EMC9: variants seen among roughly 807,000 people sequenced by gnomAD.
EMC9 encodes ER membrane protein complex subunit 9.
Under a neutral mutation model 25.0 loss-of-function variants are expected in EMC9, and 20 were observed. The ratio of observed to expected loss-of-function variants is 0.80; its 90% CI spans 0.56 to 1.16. The LOEUF is 1.16. Among genes scored for constraint, EMC9 ranks in the 50% most tolerant of loss-of-function variants. The pLI, the probability that EMC9 is intolerant of heterozygous loss-of-function variation, is 0.00. For synonymous variants in EMC9, 100 were observed against 107.0 expected, an observed-to-expected ratio of 0.93 and a Z score of 0.40; for missense variants, 256 against 268.7, an observed-to-expected ratio of 0.95 and a Z score of 0.33.
Position 24,139,803 on chromosome 14 carries a change from G to A in EMC9, c.276-189C>T, listed in dbSNP as rs1006556338. 9.8e-6 allele frequency: 15 copies of A among 1,524,996 alleles called. No individual in the cohort carries two copies. In the African/African-American group the frequency reaches 2.1e-4, roughly 21 times the overall value. 94.5% of individuals were successfully genotyped at this position (1,524,996 alleles called of 1,614,324 possible). ...GATGCTTGAGTGCTGTGGGAGACAG[G>A]TGCTCAGATATTGCTGGTGAGAGTG... On this transcript the variant is annotated intron_variant, in intron 3 of 5. Transcript: ENST00000216799. This position sits in a 1 kb window ranked among gnomAD's most constrained non-coding sequence, Gnocchi z 4.6.
chr14:24,139,808 C>A lies in EMC9; in HGVS notation c.276-194G>T. The A allele has an allele frequency of 6.6e-7, 1 of 1,511,694 alleles. No homozygotes were observed. Among genetic ancestry groups the A allele is most frequent in the Non-Finnish European group, 9.0e-7 (1 of 1,117,170 alleles). 93.6% of individuals were successfully genotyped at this position (1,511,694 alleles called of 1,614,324 possible). ...TTGAGTGCTGTGGGAGACAGGTGCT[C>A]AGATATTGCTGGTGAGAGTGGAAAC... On this transcript the variant is annotated intron_variant, in intron 3 of 5. Coordinates refer to ENST00000216799, the MANE Select transcript of EMC9 (RefSeq NM_016049.4). This position sits in a 1 kb window ranked among gnomAD's most constrained non-coding sequence, Gnocchi z 4.6.
intron 3 of EMC9, chr14:24,140,029 CTA>C (rs2038013905): frequency 5.6e-6 from 2 of 356,040 alleles, no homozygotes; most frequent in South Asian, 4.3e-5. Context: ...CATATTCAGA[CTA>C]TATAGCTGTT....
rs2038059981 is a variant in EMC9, at chr14:24,141,425, C to T, written c.-13+13G>A. ...TTCGGCACGCTCTTTGACCCTTCCCCGTGCCCTCTCACTTCGGTTCGGCGA... is the reference window on the plus strand; with the variant it reads ...TTCGGCACGCTCTTTGACCCTTCCCTGTGCCCTCTCACTTCGGTTCGGCGA... On this transcript the variant is annotated intron_variant, in intron 1 of 5. Coordinates refer to ENST00000216799, the MANE Select transcript of EMC9 (RefSeq NM_016049.4). The T allele has an allele frequency of 1.9e-6, 2 of 1,054,036 alleles. No individual in the cohort carries two copies. Among genetic ancestry groups the T allele is most frequent in the African/African-American group, 3.1e-5 (2 of 63,638 alleles). 65.3% of individuals were successfully genotyped at this position (1,054,036 alleles called of 1,614,324 possible). A position where few individuals can be genotyped will look rare whatever the true frequency, so the allele number is the denominator to read the frequency against.
In EMC9 at chr14:24,141,210, G is replaced by C. The variant is rs761848932; in HGVS notation, c.95C>G (p.Ala32Gly). The part of the protein sequence containing the change: ...PHAAVNGLFL[A>G]PAPRSGECLC... ...GCATTCTCCAGACCGCGGCGCTGGCGCCAAAAACAGCCCGTTGACTGCGGC... is the reference window on the plus strand; with the variant it reads ...GCATTCTCCAGACCGCGGCGCTGGCCCCAAAAACAGCCCGTTGACTGCGGC... The change falls in exon 2 of 6, where the codon GCG becomes GGG. Residue 32 changes from alanine (A) to glycine (G), a missense_variant. Coordinates refer to ENST00000216799, the MANE Select transcript of EMC9 (RefSeq NM_016049.4). The C allele has an allele frequency of 6.2e-7, 1 of 1,614,048 alleles. No homozygotes were observed. Among genetic ancestry groups the C allele is most frequent in the East Asian group, 2.2e-5 (1 of 44,902 alleles).
chr14:24,140,898 T>A lies in EMC9; in HGVS notation c.266A>T (p.Asn89Ile). 2 of 1,614,110 alleles carry A rather than the reference T, an allele frequency of 1.2e-6. No homozygotes were observed. The highest frequency in any genetic ancestry group is 1.7e-6 in the Non-Finnish European group (2 of 1,180,014). ...AGYYHANAAV[N>I]DQSPGPLALK... Reference sequence around the variant, plus strand: ...TGGCTACGCCACTCACCTCTGATCGTTCACAGCTGCATTGGCATGGTAGTA... The same window carrying A: ...TGGCTACGCCACTCACCTCTGATCGATCACAGCTGCATTGGCATGGTAGTA... Residue 89 changes from asparagine (N) to isoleucine (I), a missense_variant, in exon 3 of 6, where the codon AAC (asparagine) becomes ATC (isoleucine). Physicochemically the swap from Asn to Ile is moderately radical, Grantham distance 149. Coordinates refer to ENST00000216799, the MANE Select transcript of EMC9 (RefSeq NM_016049.4).
At chr14:24,141,405 C>A in intron 1 of EMC9, 33 bp downstream of exon 1, 1 of 1,273,530 alleles carries the variant, frequency 7.9e-7, no homozygotes, top group African/African-American at 1.5e-5. Flanking sequence ...AGCGCTTCGG[C>A]ACGCTCTTTG....
intron 3 of EMC9, 80 bp downstream of exon 3, chr14:24,140,809 C>T: frequency 1.4e-6 from 2 of 1,472,092 alleles, no homozygotes; most frequent in South Asian, 1.2e-5. Flanking sequence ...CGCCCACCGC[C>T]CCACGCATCC....
Position 24,139,359 on chromosome 14 carries a change from C to T in EMC9, c.440+1G>A. 6.2e-7 allele frequency: 1 copy of T among 1,614,018 alleles called. No individual in the cohort carries two copies. The highest frequency in any genetic ancestry group is 1.7e-4 in the Middle Eastern group (1 of 6,058). ...AGAGGTAGAGGGAGTGGGGTACTCACAAGTTCTTATCCTTAGGGACCCAGC... is the reference window on the plus strand; with the variant it reads ...AGAGGTAGAGGGAGTGGGGTACTCATAAGTTCTTATCCTTAGGGACCCAGC... On this transcript the variant is annotated splice_donor_variant, in intron 5 of 5. Coordinates refer to ENST00000216799, the MANE Select transcript of EMC9 (RefSeq NM_016049.4). LOFTEE classifies it high-confidence loss of function. The surrounding 1 kb of genome is among the most constrained non-coding windows in gnomAD (Gnocchi z 4.6).
At position 24,139,358 on chromosome 14, in the gene EMC9, A is replaced by G; in HGVS notation, c.440+2T>C. 6.2e-7 allele frequency: 1 copy of G among 1,614,020 alleles called. No homozygotes were observed. Among genetic ancestry groups the G allele is most frequent in the Non-Finnish European group, 8.5e-7 (1 of 1,179,950 alleles). Reference sequence around the variant, plus strand: ...AAGAGGTAGAGGGAGTGGGGTACTCACAAGTTCTTATCCTTAGGGACCCAG... The same window carrying G: ...AAGAGGTAGAGGGAGTGGGGTACTCGCAAGTTCTTATCCTTAGGGACCCAG... On this transcript the variant is annotated splice_donor_variant, in intron 5 of 5. Transcript: ENST00000216799. LOFTEE classifies it high-confidence loss of function. The surrounding 1 kb of genome is among the most constrained non-coding windows in gnomAD (Gnocchi z 4.6).
At chr14:24,140,834 T>A in intron 3 of EMC9, 55 bp downstream of exon 3, 5 of 1,270,104 alleles carry the variant, frequency 3.9e-6, no homozygotes, top group Non-Finnish European at 5.5e-6. Flanking sequence ...CCTCTATTCC[T>A]CCAATCCCCA....
rs371392589 is a variant in EMC9 at position 24,139,549 on chromosome 14, A to G, written c.341T>C (p.Ile114Thr). 1.7e-5 allele frequency: 27 copies of G among 1,613,756 alleles called. No individual in the cohort carries two copies. The highest frequency in any genetic ancestry group is 2.2e-5 in the East Asian group (1 of 44,896). ...IAEFFPDAVLIMLDNQKLVPQ... is the reference protein window; with the variant it reads ...IAEFFPDAVLTMLDNQKLVPQ... ...ACCCAGAAACCCAAGCCTCACCATA[A>G]TAAGTACTGCATCAGGGAAGAATTC... The change falls in exon 4 of 6, where the codon ATT becomes ACT. Residue 114 changes from isoleucine (I) to threonine (T), a missense_variant. Coordinates refer to ENST00000216799, the MANE Select transcript of EMC9 (RefSeq NM_016049.4). This position sits in a 1 kb window ranked among gnomAD's most constrained non-coding sequence, Gnocchi z 4.6.
Position 24,139,209 on chromosome 14 carries a change from C to G in EMC9, c.441-13G>C. 2 of 1,613,492 alleles carry G rather than the reference C, an allele frequency of 1.2e-6. No homozygotes were observed. Among genetic ancestry groups the G allele is most frequent in the Non-Finnish European group, 1.7e-6 (2 of 1,179,530 alleles). Reference sequence around the variant, plus strand: ...CCTCCACATCACTCTGAAATAGTAACCCCCATGGAGGTCAAACAGCAAGTA... The same window carrying G: ...CCTCCACATCACTCTGAAATAGTAAGCCCCATGGAGGTCAAACAGCAAGTA... On this transcript the variant is annotated splice_polypyrimidine_tract_variant and intron_variant, in intron 5 of 5. Coordinates refer to ENST00000216799, the MANE Select transcript of EMC9 (RefSeq NM_016049.4). This position sits in a 1 kb window ranked among gnomAD's most constrained non-coding sequence, Gnocchi z 4.6.
In EMC9 at chr14:24,139,285, G is replaced by A; in HGVS notation, c.440+75C>T. The A allele has an allele frequency of 6.3e-7, 1 of 1,599,492 alleles. No homozygotes were observed. Among genetic ancestry groups the A allele is most frequent in the Non-Finnish European group, 8.5e-7 (1 of 1,169,910 alleles). On this transcript the variant is annotated intron_variant, in intron 5 of 5. Transcript: ENST00000216799. This position sits in a 1 kb window ranked among gnomAD's most constrained non-coding sequence, Gnocchi z 4.6. ...AGATTGGGTCTAGAGAAAGACCCTTGGGGCAGGGCCAAGGACAGAGGAGAC... is the reference window on the plus strand; with the variant it reads ...AGATTGGGTCTAGAGAAAGACCCTTAGGGCAGGGCCAAGGACAGAGGAGAC...
chr14:24,141,346 A>G (rs1181591288), intron 1 of EMC9, 30 bp from the exon 2 acceptor site: 1 of 1,606,580 alleles, frequency 6.2e-7, no homozygotes, highest in Admixed American at 1.7e-5. Context: ...CCGGATTAGT[A>G]CCGGATTAGG....
chr14:24,140,807 GC>G (rs2038038018), intron 3 of EMC9, 81 bp downstream of exon 3: 1 of 489,032 alleles, frequency 2.0e-6, no homozygotes, highest in Non-Finnish European at 3.7e-6. Context: ...CCCGCCCACC[GC>G]CCCACGCATC....
At chr14:24,140,084 A>G (rs1285168373) in intron 3 of EMC9, 1 of 278,740 alleles carries the variant, frequency 3.6e-6, no homozygotes, top group Admixed American at 4.9e-5. Flanking sequence ...TCAAGTATTT[A>G]TTAAGTGAGG....
chr14:24,139,568 A>G lies in EMC9; in HGVS notation c.322T>C (p.Phe108Leu), dbSNP rs753998211. ...ACCATAATAAGTACTGCATCAGGGA[A>G]GAATTCTGCAATTCGCCCAGCAATT... ...LKIAGRIAEF[F>L]PDAVLIMLDN... The change falls in exon 4 of 6, where the codon TTC becomes CTC. Residue 108 changes from phenylalanine (F) to leucine (L), a missense_variant. Physicochemically the swap from Phe to Leu is conservative, Grantham distance 22. Coordinates refer to ENST00000216799, the MANE Select transcript of EMC9 (RefSeq NM_016049.4). This position sits in a 1 kb window ranked among gnomAD's most constrained non-coding sequence, Gnocchi z 4.6. The G allele has an allele frequency of 1.2e-6, 2 of 1,614,140 alleles. No individual in the cohort carries two copies. The highest frequency in any genetic ancestry group is 3.3e-5 in the Admixed American group (2 of 60,020).
intron 2 of EMC9, 30 bp from the exon 3 acceptor site, chr14:24,140,995 A>T: frequency 6.2e-7 from 1 of 1,614,204 alleles, no homozygotes; most frequent in Non-Finnish European, 8.5e-7. Context: ...ATCAGTAATT[A>T]AATTGTGCCG....
In EMC9 at chr14:24,140,933, C is replaced by G. The variant is rs373755206; in HGVS notation, c.231G>C (p.Val77=). 1 of 1,614,262 alleles carries G rather than the reference C, an allele frequency of 6.2e-7. No homozygotes were observed. Among genetic ancestry groups the G allele is most frequent in the East Asian group, 2.2e-5 (1 of 44,892 alleles). The stretch of plus-strand genomic sequence containing the variant: ...CATTGGCATGGTAGTAACCAGCCAC[C>G]ACCAGACCGGCCTGTGCTCCCCACA... ...VDVWGAQAGL[V]VAGYYHANAA... is the part of the protein sequence containing the mutation. Residue 77 remains valine, a synonymous_variant, in exon 3 of 6, where the codon GTG becomes GTC. Transcript: ENST00000216799.
Sources: allele counts gnomAD v4.1 joint callset, GRCh38; gene constraint gnomAD v4.1.1; non-coding constraint Gnocchi (gnomAD v3.1); transcripts MANE v1.5; gene names NCBI Gene and HGNC (gene_info 2026-07-23, HGNC 2026-07-21).